Variants in WASHC2A observed in about 807,000 individuals in gnomAD.
WASHC2A encodes WASH complex subunit 2A.
In WASHC2A, 82 loss-of-function variants were observed where a neutral mutation model predicts 140.3. That is an observed-to-expected ratio of 0.58 (90% CI 0.49 to 0.70). WASHC2A has a LOEUF of 0.70. Among genes scored for constraint, WASHC2A ranks in the 30% least tolerant of loss-of-function variants. WASHC2A has a pLI of 0.00. For synonymous variants in WASHC2A, 340 were observed against 560.8 expected (o/e 0.61, Z 5.56); for missense variants, 985 against 1,521.8 (o/e 0.65, Z 5.87).
At chr10:50,125,309 T>G (rs1352743540) in intron 24 of WASHC2A, 60 bp from the exon 25 acceptor site, 4 of 1,591,864 alleles carry the variant, frequency 2.5e-6, no homozygotes, top group Non-Finnish European at 2.6e-6. Flanking sequence ...ACAGCTCACC[T>G]AGTTCTCTTT....
At chr10:50,090,404 G>A (rs1589188777) in intron 8 of WASHC2A, among the ~76,000 whole-genome samples, 1 of 149,850 alleles carries the variant, frequency 6.7e-6, no homozygotes. Flanking sequence ...TCGGAAGGCC[G>A]AGGCAGGAGA....
At chr10:50,093,047 CGTGGACAG>C (rs1840089643) in intron 11 of WASHC2A, among the ~76,000 whole-genome samples, 1 of 63,342 alleles carries the variant, frequency 1.6e-5, no homozygotes, top group South Asian at 7.7e-4. Flanking sequence ...GTGCCACAGA[CGTGGACAG>C]ACTTGAGAGT....
intron 8 of WASHC2A, among the ~76,000 whole-genome samples, chr10:50,087,881 T>C (rs1839522613): frequency 6.6e-6 from 1 of 151,346 alleles, no homozygotes; most frequent in African/African-American, 2.4e-5. Flanking sequence ...CGTGGCATGA[T>C]CTCAGCTCAC....
intron 19 of WASHC2A, among the ~76,000 whole-genome samples, chr10:50,107,467 G>C (rs1335510020): frequency 1.3e-5 from 2 of 151,412 alleles, no homozygotes; most frequent in East Asian, 1.9e-4. Flanking sequence ...AAAAAATCCT[G>C]AGTAGTAAAC....
chr10:50,098,799 A>G (rs1225393106), intron 16 of WASHC2A, among the ~76,000 whole-genome samples: 2 of 146,122 alleles, frequency 1.4e-5, no homozygotes, highest in Admixed American at 7.0e-5. Context: ...TTATTTTCCT[A>G]TGAATAGATT....
At chr10:50,090,515 A>ATATATATATATATATATTT (rs1554882430) in intron 8 of WASHC2A, among the ~76,000 whole-genome samples, 7 of 108,764 alleles carry the variant, frequency 6.4e-5, no homozygotes, top group African/African-American at 6.5e-5. Flanking sequence ...AAAAAAAAAA[A>ATATATATATATATATATTT]ATATATATAT....
Position 50,071,312 on chromosome 10 carries a change from C to CTTTT in WASHC2A, c.291+1609_291+1612dup, listed in dbSNP as rs1264804216. On this transcript the variant is annotated intron_variant, in intron 3 of 30. Coordinates refer to ENST00000282633, the MANE Select transcript of WASHC2A (RefSeq NM_001005751.3). ...GAGTCCCAAAGGATTTGGGAAGTTTCTTTTTTTTTTTGAGATGGAGTCTCA... is the reference window on the plus strand; with the variant it reads ...GAGTCCCAAAGGATTTGGGAAGTTTCTTTTTTTTTTTTTTTGAGATGGAGTCTCA... Among the ~76,000 whole-genome samples the CTTTT allele has an allele frequency of 6.1e-5, 8 of 131,108 alleles. 1 individual carries two copies. The highest frequency in any genetic ancestry group is 1.2e-4 in the Non-Finnish European group (7 of 60,816). 86.0% of individuals were successfully genotyped at this position (131,108 alleles called of 152,430 possible). A position where few individuals can be genotyped will look rare whatever the true frequency, so the allele number is the denominator to read the frequency against.
intron 6 of WASHC2A, among the ~76,000 whole-genome samples, chr10:50,084,816 A>G (rs1406833157): frequency 3.4e-5 from 5 of 145,290 alleles, no homozygotes; most frequent in South Asian, 2.2e-4. Context: ...GCTCACTGCA[A>G]CCTCCACCTC....
Position 50,114,576 on chromosome 10 carries a change from C to G in WASHC2A, c.2142+579C>G, listed in dbSNP as rs1372271018. Reference sequence around the variant, plus strand: ...ACACGTAAACATGGTGTAATTTAAACTTTACAAAACAAGAAATACACATGA... The same window carrying G: ...ACACGTAAACATGGTGTAATTTAAAGTTTACAAAACAAGAAATACACATGA... On this transcript the variant is annotated intron_variant, in intron 21 of 30. Coordinates refer to ENST00000282633, the MANE Select transcript of WASHC2A (RefSeq NM_001005751.3). Among the ~76,000 whole-genome samples the G allele has an allele frequency of 1.8e-3, 227 of 127,608 alleles. 3 individuals are homozygous for G. The highest frequency in any genetic ancestry group is 3.4e-3 in the Non-Finnish European group (204 of 59,336). The allele number at this position is 127,608 out of a possible 152,430, so 83.7% of individuals were successfully genotyped here.
rs782735933 is a variant in WASHC2A at position 50,093,231 on chromosome 10, T to C, written c.1004-37T>C. 639 of 972,860 alleles carry C rather than the reference T, an allele frequency of 6.6e-4. 22 individuals carry two copies. The African/African-American group carries it at 9.5e-3, about 15-fold the overall frequency. 60.3% of individuals were successfully genotyped at this position (972,860 alleles called of 1,614,324 possible). ...GGAATTTGAGTTCTGGACCCATCTT[T>C]AATACTCCCTGCAAAACATTGCTTT... On this transcript the variant is annotated intron_variant, in intron 11 of 30. Coordinates refer to ENST00000282633, the MANE Select transcript of WASHC2A (RefSeq NM_001005751.3).
rs1260910711 is a variant in WASHC2A at position 50,129,457 on chromosome 10, C to G, written c.3126C>G (p.Thr1042=). The change falls in exon 29 of 31, where the codon ACC becomes ACG. Residue 1042 remains threonine, a synonymous_variant. Transcript: ENST00000282633. Reference sequence around the variant, plus strand: ...TGAGAGGGAAGCGTAGACCGCAGACCCGTGCAGCTAGGCGGCTGGCTGCTC... The same window carrying G: ...TGAGAGGGAAGCGTAGACCGCAGACGCGTGCAGCTAGGCGGCTGGCTGCTC... ...VKMRGKRRPQ[T]RAARRLAAQE... is the part of the protein sequence containing the mutation. 6 of 1,611,818 alleles carry G rather than the reference C, an allele frequency of 3.7e-6. No homozygotes were observed. The highest frequency in any genetic ancestry group is 4.2e-6 in the Non-Finnish European group (5 of 1,179,878).
chr10:50,089,214 C>T (rs1839659943), intron 8 of WASHC2A, among the ~76,000 whole-genome samples: 2 of 135,684 alleles, frequency 1.5e-5, no homozygotes, highest in Admixed American at 7.8e-5. Flanking sequence ...ATCTGCCTGC[C>T]TCAGCTTCCC....
At chr10:50,068,691 T>A (rs1837519149) in intron 2 of WASHC2A, among the ~76,000 whole-genome samples, 1 of 149,508 alleles carries the variant, frequency 6.7e-6, no homozygotes. Flanking sequence ...TAACCCTTGG[T>A]CTGTGATCTC....
chr10:50,073,038 A>G (rs2490886), intron 3 of WASHC2A, among the ~76,000 whole-genome samples: 1 of 152,190 alleles, frequency 6.6e-6, no homozygotes, highest in Non-Finnish European at 1.5e-5. Flanking sequence ...AGAGAAATTA[A>G]TACCATTAGT....
At chr10:50,108,924 G>A (rs529388198) in intron 19 of WASHC2A, among the ~76,000 whole-genome samples, 5 of 149,482 alleles carry the variant, frequency 3.3e-5, no homozygotes, top group Non-Finnish European at 7.4e-5. Flanking sequence ...AAGACCTGAC[G>A]AGTGCTGACA....
chr10:50,107,416 A>G (rs2132819328), intron 19 of WASHC2A, among the ~76,000 whole-genome samples: 1 of 149,170 alleles, frequency 6.7e-6, no homozygotes, highest in African/African-American at 2.4e-5. Context: ...GCAGGGAATC[A>G]GATTTAGCTG....
chr10:50,106,565 G>A (rs1841803818), intron 19 of WASHC2A, 100 bp downstream of exon 19: 1 of 1,522,706 alleles, frequency 6.6e-7, no homozygotes, highest in Non-Finnish European at 8.9e-7. Flanking sequence ...ATCTCGTGAT[G>A]TTCAGTCACC....
In WASHC2A at chr10:50,133,423, T is replaced by G. The variant is rs1844150220; in HGVS notation, c.*478T>G. 2.1e-6 allele frequency: 1 copy of G among 470,874 alleles called. No individual in the cohort carries two copies. Among genetic ancestry groups the G allele is most frequent in the Non-Finnish European group, 4.4e-6 (1 of 228,350 alleles). The allele number at this position is 470,874 out of a possible 1,614,324, so 29.2% of individuals were successfully genotyped here. A position where few individuals can be genotyped will look rare whatever the true frequency, so the allele number is the denominator to read the frequency against. On this transcript the variant is annotated 3_prime_UTR_variant, in exon 31 of 31. Transcript: ENST00000282633. ...TTTCACTGAATTCTGAGGGTGCCTC[T>G]GCATGTCCTCCAAGGCAAAGTTTGG... is the stretch of plus-strand genomic sequence containing the variant.
intron 4 of WASHC2A, 62 bp downstream of exon 4, chr10:50,078,799 T>C (rs1219018358): frequency 1.2e-5 from 19 of 1,610,740 alleles, no homozygotes; most frequent in Non-Finnish European, 1.5e-5. Context: ...TGGAGATCGA[T>C]GTGTTATGTG....
Sources: allele counts gnomAD v4.1 joint callset (sites outside exome capture counted in the v4.1 genomes callset), GRCh38; gene constraint gnomAD v4.1.1; transcripts MANE v1.5; gene names NCBI Gene and HGNC (gene_info 2026-07-23, HGNC 2026-07-21).